Variants in FOXP2 observed in about 807,000 individuals in gnomAD.
FOXP2 encodes forkhead box protein P2.
FOXP2 carries 12 observed loss-of-function variants against 115.8 expected under a neutral mutation model. That is an observed-to-expected ratio of 0.10 (90% CI 0.07 to 0.17). FOXP2 has a LOEUF of 0.17. Ranked by LOEUF, FOXP2 falls within the 10% of genes least tolerant of loss-of-function variation. The probability of loss-of-function intolerance (pLI) is 1.00; values close to 1 mark genes in which losing one functional copy is unlikely to be tolerated. For synonymous variants in FOXP2, 328 were observed against 297.7 expected, an observed-to-expected ratio of 1.10 and a Z score of -1.05; for missense variants, 629 against 843.5, an observed-to-expected ratio of 0.75 and a Z score of 3.15.
At chr7:114,605,675 T>C (rs890438321) in intron 3 of FOXP2, among the ~76,000 whole-genome samples, 24 of 152,012 alleles carry the variant, frequency 1.6e-4, no homozygotes, top group African/African-American at 5.3e-4. Flanking sequence ...TGTGCTCCAA[T>C]AGAAAGAGAT....
At chr7:114,458,939 T>C (rs1194654900) in intron 2 of FOXP2, among the ~76,000 whole-genome samples, 1 of 152,092 alleles carries the variant, frequency 6.6e-6, no homozygotes, top group Non-Finnish European at 1.5e-5. Context: ...CACCTAGTAA[T>C]AGGCTGAGGT....
chr7:114,155,749 G>GCA (rs1306975057), intron 1 of FOXP2, among the ~76,000 whole-genome samples: 4 of 152,108 alleles, frequency 2.6e-5, no homozygotes, highest in Non-Finnish European at 5.9e-5. Flanking sequence ...AGACACCGAG[G>GCA]CAAGTTTTAA....
chr7:114,446,474 G>A (rs1794838906), intron 2 of FOXP2, among the ~76,000 whole-genome samples: 1 of 151,832 alleles, frequency 6.6e-6, no homozygotes, highest in Non-Finnish European at 1.5e-5. Flanking sequence ...TATAAAATAT[G>A]TGAAAATGAG....
At chr7:114,234,283 T>G (rs985989157) in intron 1 of FOXP2, among the ~76,000 whole-genome samples, 1 of 152,166 alleles carries the variant, frequency 6.6e-6, no homozygotes, top group African/African-American at 2.4e-5. Flanking sequence ...GAGAGAAGCA[T>G]CTACCAGCAG....
At chr7:114,342,776 T>C (rs1791248231) in intron 2 of FOXP2, among the ~76,000 whole-genome samples, 1 of 151,544 alleles carries the variant, frequency 6.6e-6, no homozygotes, top group Non-Finnish European at 1.5e-5. Flanking sequence ...AAATAAATTT[T>C]AGGGAGGTTA....
In FOXP2 at chr7:114,639,853, CTGT is replaced by C. The variant is rs200865911; in HGVS notation, c.776-2543_776-2541del. Among the ~76,000 whole-genome samples, 317 of 152,200 alleles carry C rather than the reference CTGT, an allele frequency of 2.1e-3. 4 individuals are homozygous for C. Among genetic ancestry groups the C allele is most frequent in the African/African-American group, 6.9e-3 (285 of 41,526 alleles). ...GCTATATTAAAGGTTGTTTTTGTTT[CTGT>C]TGTTGTTGTTGTTTTGTCATTTTGT... is the stretch of plus-strand genomic sequence containing the variant. On this transcript the variant is annotated intron_variant, in intron 6 of 16. Transcript: ENST00000350908.
At chr7:114,651,946 G>T (rs76684948) in intron 8 of FOXP2, among the ~76,000 whole-genome samples, 1,722 of 152,204 alleles carry the variant, frequency 0.011, 15 homozygotes, top group African/African-American at 0.031. Flanking sequence ...TAAATGGTCT[G>T]GGGAAATATT....
intron 16 of FOXP2, chr7:114,666,321 T>A (rs1807160870): frequency 1.3e-5 from 2 of 152,114 alleles, no homozygotes; most frequent in Non-Finnish European, 2.9e-5. Context: ...TTTAATTATC[T>A]TGCAGAATAT....
intron 2 of FOXP2, among the ~76,000 whole-genome samples, chr7:114,331,299 C>T (rs928825582): frequency 7.2e-5 from 11 of 151,962 alleles, no homozygotes; most frequent in Non-Finnish European, 1.5e-4. Flanking sequence ...TTTTAAAATT[C>T]CTTTATTGGA....
intron 16 of FOXP2, chr7:114,666,433 A>T (rs1393917648): frequency 8.6e-5 from 13 of 152,020 alleles, no homozygotes. Flanking sequence ...CTCTATCTTC[A>T]CCTTTATAAA....
At chr7:114,180,300 C>T (rs887935520) in intron 1 of FOXP2, among the ~76,000 whole-genome samples, 2 of 151,982 alleles carry the variant, frequency 1.3e-5, no homozygotes, top group Non-Finnish European at 2.9e-5. Flanking sequence ...CATGTTCTCT[C>T]ACTTATTCTT....
chr7:114,144,767 G>C (rs1274087038), intron 1 of FOXP2, among the ~76,000 whole-genome samples: 1 of 152,106 alleles, frequency 6.6e-6, no homozygotes, highest in African/African-American at 2.4e-5. Flanking sequence ...TACATGGAAA[G>C]AGTGATCAAT....
chr7:114,297,102 G>A, intron 2 of FOXP2: 1 of 455,094 alleles, frequency 2.2e-6, no homozygotes, highest in South Asian at 1.7e-5. Flanking sequence ...GAGAGGGCAG[G>A]GCAGGGGGCT....
chr7:114,376,330 C>A (rs186164066), intron 2 of FOXP2, among the ~76,000 whole-genome samples: 1 of 152,146 alleles, frequency 6.6e-6, no homozygotes, highest in Non-Finnish European at 1.5e-5. Context: ...ATAATCTCAG[C>A]GACAATTATT....
intron 2 of FOXP2, among the ~76,000 whole-genome samples, chr7:114,354,341 G>A (rs1791563967): frequency 6.6e-6 from 1 of 152,008 alleles, no homozygotes; most frequent in African/African-American, 2.4e-5. Context: ...CCATAATTGT[G>A]TGATCCAATT....
chr7:114,256,080 C>G (rs1441852276), intron 1 of FOXP2, among the ~76,000 whole-genome samples: 1 of 152,198 alleles, frequency 6.6e-6, no homozygotes, highest in African/African-American at 2.4e-5. Context: ...TTAATCATTG[C>G]CATTCTGATT....
At chr7:114,181,043 T>C (rs1048099290) in intron 1 of FOXP2, among the ~76,000 whole-genome samples, 3 of 151,898 alleles carry the variant, frequency 2.0e-5, no homozygotes, top group Admixed American at 6.6e-5. Flanking sequence ...CCTGTCTCTC[T>C]ATCATCATTT....
At chr7:114,462,040 C>T (rs911004835) in intron 2 of FOXP2, among the ~76,000 whole-genome samples, 4 of 151,750 alleles carry the variant, frequency 2.6e-5, no homozygotes, top group East Asian at 2.0e-4. Flanking sequence ...CAGCATTTTG[C>T]GAGGCCGAGG....
intron 2 of FOXP2, among the ~76,000 whole-genome samples, chr7:114,373,531 T>C (rs943250329): frequency 2.6e-5 from 4 of 152,230 alleles, no homozygotes; most frequent in African/African-American, 9.6e-5. Context: ...AAATATAACG[T>C]TGGCAGCCCA....
Sources: gnomAD v4.1 joint callset for allele counts (sites outside exome capture counted in the v4.1 genomes callset) on GRCh38, gnomAD v4.1.1 for gene constraint, MANE v1.5 for transcripts, NCBI Gene and HGNC (gene_info 2026-07-23, HGNC 2026-07-21) for gene names.